Variants in TAOK1 observed in about 807,000 individuals in gnomAD.
TAOK1 encodes TAO kinase 1.
TAOK1 carries 21 observed loss-of-function variants against 138.3 expected under a neutral mutation model. The observed-to-expected ratio is 0.15, with a 90% confidence interval of 0.11 to 0.22. The LOEUF (loss-of-function observed/expected upper bound fraction) is 0.22. Ranked by LOEUF, TAOK1 falls within the 10% of genes least tolerant of loss-of-function variation. The pLI is 1.00. For synonymous variants in TAOK1, 361 were observed against 398.4 expected (o/e 0.91, Z 1.12); for missense variants, 651 against 1,227.7 (o/e 0.53, Z 7.02).
intron 3 of TAOK1, among the ~76,000 whole-genome samples, chr17:29,473,761 C>T (rs1438797786): frequency 6.6e-6 from 1 of 151,716 alleles, no homozygotes; most frequent in Non-Finnish European, 1.5e-5. Context: ...GAGTCTCTCT[C>T]TGTTGCCCAG....
At chr17:29,400,080 A>T (rs1245490076) in intron 1 of TAOK1, among the ~76,000 whole-genome samples, 1 of 152,042 alleles carries the variant, frequency 6.6e-6, no homozygotes, top group Non-Finnish European at 1.5e-5. Context: ...CCTTTGCTGG[A>T]TATAAAGCCT....
At chr17:29,524,341 ACT>A (rs2031970488) in intron 17 of TAOK1, among the ~76,000 whole-genome samples, 1 of 152,192 alleles carries the variant, frequency 6.6e-6, no homozygotes, top group Non-Finnish European at 1.5e-5. Context: ...AATAAACCAA[ACT>A]GAAAGTCATA....
At chr17:29,512,792 C>T (rs1334077417) in intron 15 of TAOK1, 1 of 152,144 alleles carries the variant, frequency 6.6e-6, no homozygotes, top group Non-Finnish European at 1.5e-5. Context: ...ACACCATTCT[C>T]CTGCCTCCGG....
At chr17:29,522,626 C>T (rs2031939465) in intron 17 of TAOK1, 107 bp downstream of exon 17, 1 of 1,458,580 alleles carries the variant, frequency 6.9e-7, no homozygotes, top group Non-Finnish European at 9.2e-7. Flanking sequence ...ATTGACTAAG[C>T]TTCTTTTCAT....
intron 1 of TAOK1, among the ~76,000 whole-genome samples, chr17:29,430,016 A>G (rs1396717942): frequency 6.6e-6 from 1 of 152,174 alleles, no homozygotes; most frequent in Non-Finnish European, 1.5e-5. Context: ...GAATTTTGGG[A>G]AAAATCACAA....
chr17:29,531,850 A>T (rs547273542), intron 18 of TAOK1, among the ~76,000 whole-genome samples: 1 of 149,934 alleles, frequency 6.7e-6, no homozygotes, highest in Non-Finnish European at 1.5e-5. Context: ...ACTGCTTAAG[A>T]TGTAACCCTT....
chr17:29,501,221 TAAAAAAA>T (rs66503222), intron 12 of TAOK1, among the ~76,000 whole-genome samples: 14 of 120,614 alleles, frequency 1.2e-4, no homozygotes, highest in South Asian at 1.1e-3. Context: ...CCCATCTGTT[TAAAAAAA>T]AAAAAAAAAA....
intron 2 of TAOK1, among the ~76,000 whole-genome samples, chr17:29,457,045 TTCTG>T (rs2030396905): frequency 6.7e-6 from 1 of 148,458 alleles, no homozygotes; most frequent in Non-Finnish European, 1.5e-5. Context: ...ATAGTTCTAT[TTCTG>T]TAACGTTCTC....
At chr17:29,459,062 G>A (rs1311513551) in intron 2 of TAOK1, among the ~76,000 whole-genome samples, 4 of 152,006 alleles carry the variant, frequency 2.6e-5, no homozygotes, top group Non-Finnish European at 5.9e-5. Flanking sequence ...CACCATGTTG[G>A]CCGGTTACTT....
At chr17:29,433,563 G>C (rs759034535) in intron 1 of TAOK1, among the ~76,000 whole-genome samples, 78 of 152,120 alleles carry the variant, frequency 5.1e-4, no homozygotes, top group Non-Finnish European at 9.0e-4. Context: ...CTTGCAGACA[G>C]TTTAAAGGGT....
Position 29,390,922 on chromosome 17 carries a change from G to C in TAOK1, c.-197G>C, listed in dbSNP as rs1170542971. On this transcript the variant is annotated 5_prime_UTR_variant, in exon 1 of 20. Transcript: ENST00000261716. ...GGTGGGGGGCGGCGATCTGTCGCCG[G>C]GCCCCCTCCTCCTCCTCACTCCTCA... The C allele has an allele frequency of 6.6e-6, 1 of 152,262 alleles. No individual in the cohort carries two copies. Among genetic ancestry groups the C allele is most frequent in the Non-Finnish European group, 1.5e-5 (1 of 68,140 alleles). 9.4% of individuals were successfully genotyped at this position (152,262 alleles called of 1,614,324 possible). A position where few individuals can be genotyped will look rare whatever the true frequency, so the allele number is the denominator to read the frequency against.
chr17:29,469,784 G>A (rs535901769), intron 3 of TAOK1, among the ~76,000 whole-genome samples: 8 of 152,108 alleles, frequency 5.3e-5, no homozygotes, highest in South Asian at 2.1e-4. Flanking sequence ...TAATGTTGGC[G>A]TCCTTCATGA....
At chr17:29,456,695 C>T (rs2030385531) in intron 2 of TAOK1, among the ~76,000 whole-genome samples, 1 of 150,542 alleles carries the variant, frequency 6.6e-6, no homozygotes, top group East Asian at 1.9e-4. Flanking sequence ...ACAAGGTATA[C>T]TCAACCTATA....
At chr17:29,532,356 T>G (rs1329604791) in intron 18 of TAOK1, among the ~76,000 whole-genome samples, 2 of 148,226 alleles carry the variant, frequency 1.3e-5, no homozygotes, top group Non-Finnish European at 3.0e-5. Flanking sequence ...TTGTTTGTGG[T>G]TTTTTTTTTT....
intron 2 of TAOK1, among the ~76,000 whole-genome samples, chr17:29,457,075 CTTTTTTTCTTTTTCTTTTTTTTTTTTTT>C (rs1228034250): frequency 7.5e-6 from 1 of 134,132 alleles, no homozygotes; most frequent in East Asian, 2.1e-4. Context: ...CTTTTCTTCT[CTTTTTTTCTTTTTCTTTTTTTTTTTTTT>C]TTTTTTTTGA....
intron 17 of TAOK1, among the ~76,000 whole-genome samples, chr17:29,524,868 C>T (rs1272816689): frequency 3.9e-5 from 6 of 152,134 alleles, no homozygotes; most frequent in East Asian, 1.9e-4. Context: ...CTGCCTACTC[C>T]GCTGTTTCTT....
intron 1 of TAOK1, among the ~76,000 whole-genome samples, chr17:29,421,824 A>G (rs1049227348): frequency 6.6e-6 from 1 of 152,026 alleles, no homozygotes; most frequent in African/African-American, 2.4e-5. Flanking sequence ...GCTGGTCTCA[A>G]ACTCCTGGGC....
At chr17:29,538,859 A>G (rs911377496) in intron 19 of TAOK1, among the ~76,000 whole-genome samples, 1 of 152,242 alleles carries the variant, frequency 6.6e-6, no homozygotes, top group Non-Finnish European at 1.5e-5. Context: ...GAAAAGTAGT[A>G]GCATTTCCAG....
intron 1 of TAOK1, among the ~76,000 whole-genome samples, chr17:29,412,146 G>A (rs1486405564): frequency 1.3e-5 from 2 of 151,812 alleles, no homozygotes; most frequent in Non-Finnish European, 2.9e-5. Context: ...AGGTTCAAGC[G>A]ATTCTCCTGC....
Sources: allele counts gnomAD v4.1 joint callset (sites outside exome capture counted in the v4.1 genomes callset), GRCh38; gene constraint gnomAD v4.1.1; transcripts MANE v1.5; gene names NCBI Gene and HGNC (gene_info 2026-07-23, HGNC 2026-07-21).